NCAPD2: variants seen among roughly 807,000 people sequenced by gnomAD.
The protein encoded by NCAPD2 is condensin complex subunit 1.
A neutral mutation model predicts 164.5 loss-of-function variants in NCAPD2; 100 were observed. The observed-to-expected ratio is 0.61, with a 90% confidence interval of 0.52 to 0.72. The LOEUF (loss-of-function observed/expected upper bound fraction) is 0.72, where lower values mean the gene tolerates loss of function less well. Ranked by LOEUF, NCAPD2 falls within the 30% of genes least tolerant of loss-of-function variation. The pLI is 0.00. For synonymous variants in NCAPD2, 585 were observed against 642.6 expected (o/e 0.91, Z 1.36); for missense variants, 1,560 against 1,749.2 (o/e 0.89, Z 1.93).
intron 1 of NCAPD2, among the ~76,000 whole-genome samples, chr12:6,494,364 CA>C (rs1306493599): frequency 6.0e-5 from 9 of 150,360 alleles, no homozygotes; most frequent in Admixed American, 4.0e-4. Context: ...AATCGCTTAA[CA>C]GATCCGCAAC....
chr12:6,513,332 G>A (rs1946168776), intron 6 of NCAPD2, among the ~76,000 whole-genome samples: 1 of 152,128 alleles, frequency 6.6e-6, no homozygotes. Context: ...CTTGAGCCCA[G>A]GAGTTTGAGA....
chr12:6,523,100 A>G (rs1946280265), intron 16 of NCAPD2, 98 bp downstream of exon 16: 1 of 1,508,238 alleles, frequency 6.6e-7, no homozygotes, highest in Admixed American at 1.8e-5. Flanking sequence ...TCTCCAGGGG[A>G]GTTCCAGATC....
intron 21 of NCAPD2, 28 bp from the exon 22 acceptor site, chr12:6,526,863 C>T (rs1946322357): frequency 6.3e-7 from 1 of 1,579,154 alleles, no homozygotes; most frequent in African/African-American, 1.4e-5. Context: ...TGTCTCTTTG[C>T]CCCACCTTCC....
At chr12:6,513,792 T>G (rs1440313584) in intron 6 of NCAPD2, among the ~76,000 whole-genome samples, 1 of 144,604 alleles carries the variant, frequency 6.9e-6, no homozygotes, top group Non-Finnish European at 1.5e-5. Context: ...ATCAGCTCAC[T>G]GCAACCTCCA....
intron 13 of NCAPD2, among the ~76,000 whole-genome samples, chr12:6,518,796 C>T (rs544821239): frequency 3.9e-5 from 6 of 152,132 alleles, no homozygotes; most frequent in Admixed American, 1.3e-4. Flanking sequence ...GCCATGATTA[C>T]AGGCGTGAGC....
intron 16 of NCAPD2, 123 bp downstream of exon 16, chr12:6,523,125 C>A: frequency 7.0e-7 from 1 of 1,438,492 alleles, no homozygotes; most frequent in Non-Finnish European, 9.6e-7. Flanking sequence ...GGCAGTCCAT[C>A]ATAGTGGGGC....
chr12:6,515,708 T>G (rs1432416813), intron 9 of NCAPD2, among the ~76,000 whole-genome samples: 1 of 152,234 alleles, frequency 6.6e-6, no homozygotes, highest in Admixed American at 6.5e-5. Flanking sequence ...TCATTTACTT[T>G]AACTTTTTGT....
chr12:6,515,227 C>CT (rs1407132127), intron 9 of NCAPD2, among the ~76,000 whole-genome samples: 2 of 151,872 alleles, frequency 1.3e-5, no homozygotes, highest in Non-Finnish European at 1.5e-5. Context: ...GGATCTGGCT[C>CT]TGTCACCCAT....
rs1222529430 is a variant in NCAPD2, at chr12:6,531,185, C to T, written c.4120+109C>T. ...GCCTGAGTGTAGATGCTCTGCCCCA[C>T]TGCCGCAGAAGGGCCTCTCCTGTAC... On this transcript the variant is annotated intron_variant, in intron 31 of 31. Transcript: ENST00000315579. The surrounding 1 kb of genome is among the most constrained non-coding windows in gnomAD (Gnocchi z 4.1). 1.3e-6 allele frequency: 2 copies of T among 1,514,020 alleles called. No individual in the cohort carries two copies. Among genetic ancestry groups the T allele is most frequent in the Admixed American group, 1.8e-5 (1 of 55,818 alleles). The allele number at this position is 1,514,020 out of a possible 1,614,324, so 93.8% of individuals were successfully genotyped here.
At position 6,528,110 on chromosome 12, in the gene NCAPD2, A is replaced by AC. The variant is rs1235914553; in HGVS notation, c.3143+24dup. 2.0e-5 allele frequency: 33 copies of AC among 1,613,892 alleles called. No homozygotes were observed. Among genetic ancestry groups the AC allele is most frequent in the Non-Finnish European group, 2.6e-5 (31 of 1,180,012 alleles). Reference sequence around the variant, plus strand: ...TGATCAGGTAGGCCGTGGGGTTGGTACCCCCTTCTCAAGGAAGATGGGGAT... The same window carrying AC: ...TGATCAGGTAGGCCGTGGGGTTGGTACCCCCCTTCTCAAGGAAGATGGGGAT... On this transcript the variant is annotated intron_variant, in intron 24 of 31. Coordinates refer to ENST00000315579, the MANE Select transcript of NCAPD2 (RefSeq NM_014865.4). The surrounding 1 kb of genome is among the most constrained non-coding windows in gnomAD (Gnocchi z 5.1).
Position 6,523,256 on chromosome 12 carries a change from C to T in NCAPD2, c.2130-6C>T, listed in dbSNP as rs1400801638. The T allele has an allele frequency of 1.2e-6, 2 of 1,613,690 alleles. No individual in the cohort carries two copies. The highest frequency in any genetic ancestry group is 1.7e-6 in the Non-Finnish European group (2 of 1,179,746). On this transcript the variant is annotated splice_polypyrimidine_tract_variant and splice_region_variant and intron_variant, in intron 16 of 31. Transcript: ENST00000315579. ...TAGTGACCGCTGATCTCTGCTGTTC[C>T]CACAGAGCCAAGGCCCAGGCTTTGA...
In NCAPD2 at chr12:6,528,969, C is replaced by A. The variant is rs1946345507; in HGVS notation, c.3502C>A (p.Pro1168Thr). The A allele has an allele frequency of 3.1e-6, 5 of 1,614,036 alleles. No individual in the cohort carries two copies. Among genetic ancestry groups the A allele is most frequent in the Non-Finnish European group, 4.2e-6 (5 of 1,180,028 alleles). Residue 1168 changes from proline to threonine, a missense_variant, in exon 27 of 32, where the codon CCA (proline) becomes ACA (threonine). Physicochemically the swap from Pro to Thr is conservative, Grantham distance 38 (BLOSUM62 -1). Transcript: ENST00000315579. The surrounding 1 kb of genome is among the most constrained non-coding windows in gnomAD (Gnocchi z 5.1). ...GGGCAACGCAATCTATAATCTCCTT[C>A]CAGATATCATCAGCCGCCTGTCAGA... ...HKGNAIYNLL[P>T]DIISRLSDPE...
intron 2 of NCAPD2, among the ~76,000 whole-genome samples, chr12:6,507,212 A>T (rs1024262521): frequency 6.6e-6 from 1 of 152,202 alleles, no homozygotes; most frequent in Admixed American, 6.5e-5. Context: ...CCTGGGCCCA[A>T]GCGATTCTAC....
At chr12:6,530,064 T>C in intron 29 of NCAPD2, 106 bp downstream of exon 29, 1 of 1,280,952 alleles carries the variant, frequency 7.8e-7, no homozygotes, top group Admixed American at 2.7e-5. Flanking sequence ...CCGTCCTCCT[T>C]ATCCCCAGCT....
intron 14 of NCAPD2, among the ~76,000 whole-genome samples, chr12:6,521,522 G>A (rs1330257143): frequency 6.6e-6 from 1 of 151,912 alleles, no homozygotes; most frequent in African/African-American, 2.4e-5. Context: ...ATCTCTACAA[G>A]GGATACCAAA....
chr12:6,529,174 C>T, intron 27 of NCAPD2, 135 bp downstream of exon 27: 1 of 739,766 alleles, frequency 1.4e-6, no homozygotes, highest in Non-Finnish European at 2.2e-6. Context: ...TCTCTTTGTG[C>T]CTATTTCCTC....
intron 2 of NCAPD2, among the ~76,000 whole-genome samples, chr12:6,507,666 T>C (rs948063344): frequency 1.1e-4 from 17 of 152,160 alleles, no homozygotes; most frequent in African/African-American, 3.9e-4. Context: ...TCTAGAGAGC[T>C]AGTCTTCTTT....
chr12:6,517,900 A>G lies in NCAPD2; in HGVS notation c.1530A>G (p.Thr510=). The G allele has an allele frequency of 3.7e-6, 6 of 1,614,178 alleles. No individual in the cohort carries two copies. The highest frequency in any genetic ancestry group is 5.1e-6 in the Non-Finnish European group (6 of 1,180,032). Residue 510 remains threonine, a synonymous_variant, in exon 13 of 32, where the codon ACA becomes ACG. Transcript: ENST00000315579. ...AGATTCCTGAGCAAATTGCCAATAC[A>G]GAGACAACTGAAGATGTGAAAGGAC... is the stretch of plus-strand genomic sequence containing the variant. ...EEEIPEQIAN[T]ETTEDVKGRI... is the part of the protein sequence containing the mutation.
chr12:6,518,048 C>A, intron 13 of NCAPD2, 89 bp downstream of exon 13: 1 of 1,306,846 alleles, frequency 7.7e-7, no homozygotes, highest in Non-Finnish European at 1.1e-6. Context: ...TTTAAATTAA[C>A]TGCACACAGA....
Sources: gnomAD v4.1 joint callset for allele counts (sites outside exome capture counted in the v4.1 genomes callset) on GRCh38, gnomAD v4.1.1 for gene constraint, Gnocchi (gnomAD v3.1) non-coding constraint, MANE v1.5 for transcripts, NCBI Gene and HGNC (gene_info 2026-07-23, HGNC 2026-07-21) for gene names.